The following PDGFC variants were observed in gnomAD, a reference collection of about 807,000 sequenced individuals.
PDGFC encodes platelet derived growth factor C.
Under a neutral mutation model 35.5 loss-of-function variants are expected in PDGFC, and 12 were observed. The ratio of observed to expected loss-of-function variants is 0.34; its 90% CI spans 0.22 to 0.55. PDGFC has a LOEUF of 0.55. Among genes scored for constraint, PDGFC ranks in the 20% least tolerant of loss-of-function variants. PDGFC has a pLI of 0.91. For synonymous variants in PDGFC, 159 were observed against 148.8 expected (o/e 1.07, Z -0.50); for missense variants, 322 against 412.4 (o/e 0.78, Z 1.90).
chr4:156,824,172 A>C (rs1003676542), intron 2 of PDGFC, among the ~76,000 whole-genome samples: 3 of 151,504 alleles, frequency 2.0e-5, no homozygotes, highest in Non-Finnish European at 4.4e-5. Flanking sequence ...ATTGCACTAC[A>C]CTGTGAGCAA....
At chr4:156,849,745 A>T (rs1233702822) in intron 2 of PDGFC, among the ~76,000 whole-genome samples, 1 of 152,058 alleles carries the variant, frequency 6.6e-6, no homozygotes, top group East Asian at 1.9e-4. Flanking sequence ...GTAATATTCA[A>T]ACTTCTTAGT....
chr4:156,862,655 A>G (rs1729740297), intron 1 of PDGFC, among the ~76,000 whole-genome samples: 1 of 152,178 alleles, frequency 6.6e-6, no homozygotes. Context: ...TGATAAAAAT[A>G]AAACTACTCT....
intron 1 of PDGFC, among the ~76,000 whole-genome samples, chr4:156,960,843 A>G (rs573558046): frequency 6.6e-6 from 1 of 152,206 alleles, no homozygotes; most frequent in East Asian, 1.9e-4. Context: ...CTAGTAAGAG[A>G]GAGTCTTTAG....
chr4:156,901,988 G>T (rs1007900906), intron 1 of PDGFC, among the ~76,000 whole-genome samples: 1 of 152,206 alleles, frequency 6.6e-6, no homozygotes, highest in East Asian at 1.9e-4. Context: ...AAGGGAAGTA[G>T]GACAGAGAAA....
intron 5 of PDGFC, among the ~76,000 whole-genome samples, chr4:156,767,552 T>C (rs1490557780): frequency 6.6e-6 from 1 of 152,108 alleles, no homozygotes; most frequent in African/African-American, 2.4e-5. Flanking sequence ...TGACCACTCA[T>C]GTTATACTAC....
chr4:156,928,751 T>C (rs1056121491), intron 1 of PDGFC, among the ~76,000 whole-genome samples: 4 of 152,230 alleles, frequency 2.6e-5, no homozygotes, highest in Non-Finnish European at 5.9e-5. Context: ...CTGTTTAGTA[T>C]ACAACTCCTG....
At position 156,851,672 on chromosome 4, in the gene PDGFC, G is replaced by C. The variant is rs973652521; in HGVS notation, c.119-1256C>G. On this transcript the variant is annotated intron_variant, in intron 1 of 5. Coordinates refer to ENST00000502773, the MANE Select transcript of PDGFC (RefSeq NM_016205.3). ...TAAAAATCCATGTAAGGACCATCGC[G>C]GTGGCTCACGCCTGTAATCCCAGCA... Among the ~76,000 whole-genome samples, 41 of 152,058 alleles carry C rather than the reference G, an allele frequency of 2.7e-4. 1 individual carries two copies. The highest frequency in any genetic ancestry group is 5.7e-4 in the Non-Finnish European group (39 of 68,010).
intron 1 of PDGFC, among the ~76,000 whole-genome samples, chr4:156,869,125 A>G (rs1729915769): frequency 6.6e-6 from 1 of 152,104 alleles, no homozygotes; most frequent in African/African-American, 2.4e-5. Flanking sequence ...TCAATTTAAT[A>G]TAATTAGGTT....
intron 1 of PDGFC, among the ~76,000 whole-genome samples, chr4:156,887,809 T>A (rs1730410627): frequency 6.6e-6 from 1 of 151,360 alleles, no homozygotes; most frequent in African/African-American, 2.4e-5. Context: ...AGCTCAAGAG[T>A]GCAACATGGC....
At chr4:156,801,991 G>C (rs1731623691) in intron 3 of PDGFC, among the ~76,000 whole-genome samples, 1 of 152,126 alleles carries the variant, frequency 6.6e-6, no homozygotes, top group African/African-American at 2.4e-5. Flanking sequence ...CCAAATTAGT[G>C]AGCCCGAGAC....
chr4:156,789,772 C>T (rs1731238929), intron 3 of PDGFC, among the ~76,000 whole-genome samples: 2 of 151,998 alleles, frequency 1.3e-5, no homozygotes, highest in Admixed American at 6.5e-5. Context: ...GTCAGGAGAT[C>T]GAGACCATCC....
chr4:156,872,474 C>G (rs1016133248), intron 1 of PDGFC, among the ~76,000 whole-genome samples: 5 of 152,192 alleles, frequency 3.3e-5, no homozygotes, highest in Admixed American at 1.3e-4. Flanking sequence ...AGTCTGACTT[C>G]TTGCCCAAGG....
At chr4:156,909,530 CTAT>C (rs1487472627) in intron 1 of PDGFC, among the ~76,000 whole-genome samples, 1 of 152,158 alleles carries the variant, frequency 6.6e-6, no homozygotes, top group Non-Finnish European at 1.5e-5. Context: ...TGAACTACTA[CTAT>C]ATTTTCCTGG....
intron 1 of PDGFC, among the ~76,000 whole-genome samples, chr4:156,956,615 C>G (rs2110957413): frequency 6.6e-6 from 1 of 151,966 alleles, no homozygotes; most frequent in East Asian, 1.9e-4. Context: ...CAGTTTAGGT[C>G]ATAGGTAACC....
At chr4:156,799,402 A>G (rs910263506) in intron 3 of PDGFC, among the ~76,000 whole-genome samples, 1 of 152,162 alleles carries the variant, frequency 6.6e-6, no homozygotes, top group Non-Finnish European at 1.5e-5. Flanking sequence ...AAAGCCGAAA[A>G]AAAAATTGTA....
intron 1 of PDGFC, among the ~76,000 whole-genome samples, chr4:156,872,579 C>T (rs1730010757): frequency 6.6e-6 from 1 of 152,138 alleles, no homozygotes; most frequent in Admixed American, 6.6e-5. Flanking sequence ...GCTTATAGGC[C>T]TTCATGGTTC....
chr4:156,855,803 A>C (rs1729561038), intron 1 of PDGFC, among the ~76,000 whole-genome samples: 1 of 152,122 alleles, frequency 6.6e-6, no homozygotes, highest in South Asian at 2.1e-4. Context: ...TTCTCAACTA[A>C]CAAAATTCAC....
At chr4:156,812,826 C>T (rs920740313) in intron 2 of PDGFC, among the ~76,000 whole-genome samples, 6 of 152,078 alleles carry the variant, frequency 3.9e-5, no homozygotes, top group Non-Finnish European at 8.8e-5. Context: ...CACAGAGCTG[C>T]CACTCAAGAA....
chr4:156,834,048 T>C (rs1729005831), intron 2 of PDGFC, among the ~76,000 whole-genome samples: 1 of 152,190 alleles, frequency 6.6e-6, no homozygotes, highest in Admixed American at 6.5e-5. Flanking sequence ...CCCTTCTTTC[T>C]TCCTTCCTTA....
Sources: gnomAD v4.1 joint callset for allele counts (sites outside exome capture counted in the v4.1 genomes callset) on GRCh38, gnomAD v4.1.1 for gene constraint, MANE v1.5 for transcripts, NCBI Gene and HGNC (gene_info 2026-07-23, HGNC 2026-07-21) for gene names.